The following PKN2 variants were observed in gnomAD, a reference collection of about 807,000 sequenced individuals.
PKN2 encodes the protein protein kinase N2.
Under a neutral mutation model 119.1 loss-of-function variants are expected in PKN2, and 38 were observed. That is an observed-to-expected ratio of 0.32 (90% CI 0.25 to 0.42). The LOEUF (loss-of-function observed/expected upper bound fraction) is 0.42. Among genes scored for constraint, PKN2 ranks in the 10% least tolerant of loss-of-function variants. The pLI is 1.00. For synonymous variants in PKN2, 390 were observed against 384.9 expected, an observed-to-expected ratio of 1.01 and a Z score of -0.15; for missense variants, 850 against 1,165.1, an observed-to-expected ratio of 0.73 and a Z score of 3.94.
chr1:88,801,058 C>T (rs530308744), intron 8 of PKN2, among the ~76,000 whole-genome samples: 107 of 152,144 alleles, frequency 7.0e-4, no homozygotes, highest in East Asian at 3.9e-4. Context: ...AGAAAATTGC[C>T]GGCGTACCAG....
At chr1:88,805,795 TTTAC>T (rs1671513357) in intron 11 of PKN2, 92 bp from the exon 12 acceptor site, 9 of 1,605,860 alleles carry the variant, frequency 5.6e-6, no homozygotes, top group Non-Finnish European at 7.7e-6. Flanking sequence ...TAGTGTTCTG[TTTAC>T]TTAAAAAGTA....
In PKN2 at chr1:88,734,420, A is replaced by T. The variant is rs78543629; in HGVS notation, c.49-6568A>T. On this transcript the variant is annotated intron_variant, in intron 1 of 21. Transcript: ENST00000370521. Reference sequence around the variant, plus strand: ...GATAAGAATCTAATTTCATTCTCTCATGTGGATATCCAGTTTTCCCAACAC... The same window carrying T: ...GATAAGAATCTAATTTCATTCTCTCTTGTGGATATCCAGTTTTCCCAACAC... Among the ~76,000 whole-genome samples the T allele has an allele frequency of 2.4e-3, 365 of 152,250 alleles. 3 individuals are homozygous for T. The highest frequency in any genetic ancestry group is 8.4e-3 in the African/African-American group (350 of 41,524).
intron 16 of PKN2, among the ~76,000 whole-genome samples, chr1:88,817,708 CAA>C (rs55863627): frequency 5.9e-4 from 79 of 133,010 alleles, no homozygotes; most frequent in Middle Eastern, 3.9e-3. Context: ...GACTCCGTCT[CAA>C]AAAAAAAAAA....
At chr1:88,685,081 T>C (rs1321164390) in intron 1 of PKN2, 1 of 155,148 alleles carries the variant, frequency 6.4e-6, no homozygotes, top group Non-Finnish European at 1.4e-5. Context: ...TTCTTGTCCC[T>C]CCCCCTCCCC....
chr1:88,712,886 A>T (rs1245160088), intron 1 of PKN2, among the ~76,000 whole-genome samples: 1 of 151,960 alleles, frequency 6.6e-6, no homozygotes, highest in Admixed American at 6.6e-5. Context: ...TTAACTCATC[A>T]TTTACATTAG....
chr1:88,730,752 C>T lies in PKN2; in HGVS notation c.49-10236C>T, dbSNP rs1319350609. ...TTCAGTACCAACTATGTGCCAGAAACTGTACTGTTGCTATGAAAGCATATT... is the reference window on the plus strand; with the variant it reads ...TTCAGTACCAACTATGTGCCAGAAATTGTACTGTTGCTATGAAAGCATATT... On this transcript the variant is annotated intron_variant, in intron 1 of 21. Transcript: ENST00000370521. 5.3e-5 allele frequency among the ~76,000 whole-genome samples: 8 copies of T among 152,320 alleles called. No individual in the cohort carries two copies. In the East Asian group the frequency reaches 1.5e-3, roughly 29 times the overall value.
At chr1:88,787,329 A>T (rs1230599600) in intron 8 of PKN2, among the ~76,000 whole-genome samples, 3 of 152,140 alleles carry the variant, frequency 2.0e-5, no homozygotes, top group Admixed American at 2.0e-4. Context: ...TAGAGGGAAA[A>T]TGACTAGCTA....
chr1:88,785,152 A>T (rs1228068780), intron 7 of PKN2, among the ~76,000 whole-genome samples: 1 of 151,868 alleles, frequency 6.6e-6, no homozygotes, highest in African/African-American at 2.4e-5. Context: ...ATTTTTCTTT[A>T]TTTTTTGAGA....
intron 1 of PKN2, among the ~76,000 whole-genome samples, chr1:88,712,117 AT>A (rs1285826964): frequency 6.6e-6 from 1 of 152,100 alleles, no homozygotes; most frequent in African/African-American, 2.4e-5. Context: ...GGAATATATT[AT>A]GGGCTTAAAA....
intron 1 of PKN2, among the ~76,000 whole-genome samples, chr1:88,685,918 GGTATAATGGT>G (rs1666076220): frequency 6.6e-6 from 1 of 152,026 alleles, no homozygotes; most frequent in East Asian, 1.9e-4. Flanking sequence ...TGAAAACTTT[GGTATAATGGT>G]TGATATTTCC....
intron 1 of PKN2, among the ~76,000 whole-genome samples, chr1:88,693,710 C>T (rs1666417328): frequency 6.6e-6 from 1 of 151,376 alleles, no homozygotes; most frequent in Admixed American, 6.6e-5. Context: ...GACCCTGTCT[C>T]AAAAAAAGAA....
chr1:88,746,886 C>T (rs944946029), intron 2 of PKN2, among the ~76,000 whole-genome samples: 1 of 152,060 alleles, frequency 6.6e-6, no homozygotes. Context: ...ATTTTTAAAA[C>T]ATGGTATATA....
intron 1 of PKN2, among the ~76,000 whole-genome samples, chr1:88,738,719 G>A (rs564080972): frequency 8.5e-5 from 13 of 152,300 alleles, no homozygotes; most frequent in East Asian, 5.8e-4. Context: ...ACAAATCTGC[G>A]AAAGCAGTTC....
intron 21 of PKN2, 35 bp downstream of exon 21, chr1:88,833,192 A>T: frequency 6.2e-6 from 10 of 1,609,246 alleles, no homozygotes; most frequent in Non-Finnish European, 7.6e-6. Flanking sequence ...TTATGAAACT[A>T]GAGCGATTAG....
intron 1 of PKN2, among the ~76,000 whole-genome samples, chr1:88,700,117 A>AT (rs1557548004): frequency 6.6e-6 from 1 of 151,916 alleles, no homozygotes; most frequent in Admixed American, 6.6e-5. Context: ...ATAGTATTCC[A>AT]TAGTGTATAT....
intron 8 of PKN2, among the ~76,000 whole-genome samples, chr1:88,803,092 C>T (rs1012347572): frequency 2.6e-5 from 4 of 152,186 alleles, no homozygotes; most frequent in African/African-American, 9.7e-5. Context: ...ATATTCTCCT[C>T]ATACTTCTTT....
In PKN2 at chr1:88,741,287, A is replaced by C; in HGVS notation, c.348A>C (p.Thr116=). 6.6e-7 allele frequency: 1 copy of C among 1,525,928 alleles called. No homozygotes were observed. The highest frequency in any genetic ancestry group is 1.3e-5 in the South Asian group (1 of 77,834). The allele number at this position is 1,525,928 out of a possible 1,614,324, so 94.5% of individuals were successfully genotyped here. The change falls in exon 2 of 22, where the codon ACA becomes ACC. Residue 116 remains threonine (T), a splice_region_variant and synonymous_variant. Transcript: ENST00000370521. ...HIVVSDPEDI[T]DCPRTPDTPN... ...TTGTATCAGATCCAGAAGATATTACAGGTATAGTAGTGCTTTATTTGATGT... is the reference window on the plus strand; with the variant it reads ...TTGTATCAGATCCAGAAGATATTACCGGTATAGTAGTGCTTTATTTGATGT...
At chr1:88,820,158 TCAAA>T (rs1025802264) in intron 16 of PKN2, among the ~76,000 whole-genome samples, 11 of 113,300 alleles carry the variant, frequency 9.7e-5, no homozygotes, top group East Asian at 2.6e-4. Flanking sequence ...AGTAAATAAA[TCAAA>T]CAAATCTTTT....
At chr1:88,724,988 C>G (rs1667844811) in intron 1 of PKN2, among the ~76,000 whole-genome samples, 1 of 151,478 alleles carries the variant, frequency 6.6e-6, no homozygotes, top group South Asian at 2.1e-4. Flanking sequence ...CCTCCCCATC[C>G]CAGGTTCAAG....
Sources: allele counts gnomAD v4.1 joint callset (sites outside exome capture counted in the v4.1 genomes callset), GRCh38; gene constraint gnomAD v4.1.1; transcripts MANE v1.5; gene names NCBI Gene and HGNC (gene_info 2026-07-23, HGNC 2026-07-21).